The following RIN2 variants were observed in gnomAD, a reference collection of about 807,000 sequenced individuals.
RIN2 encodes the protein RAB5 interacting protein 2.
A neutral mutation model predicts 78.0 loss-of-function variants in RIN2; 36 were observed. That is an observed-to-expected ratio of 0.46 (90% confidence interval 0.35 to 0.61). The LOEUF (loss-of-function observed/expected upper bound fraction) is 0.61, where lower values mean the gene tolerates loss of function less well. RIN2 is among the 20% of genes least tolerant of loss of function. The probability of loss-of-function intolerance (pLI) is 0.00; values close to 1 mark genes in which losing one functional copy is unlikely to be tolerated. For missense variants in RIN2, 1,087 were observed against 1,159.7 expected, an observed-to-expected ratio of 0.94 and a Z score of 0.91; for synonymous variants, 466 against 466.8, an observed-to-expected ratio of 1.00 and a Z score of 0.02.
chr20:19,981,885 C>A (rs542146902), intron 9 of RIN2, among the ~76,000 whole-genome samples: 41 of 152,348 alleles, frequency 2.7e-4, no homozygotes, highest in Admixed American at 2.0e-3. Flanking sequence ...GTGCCCCACA[C>A]CTGCCTGCCC....
chr20:19,865,473 A>C (rs6046384), intron 2 of RIN2, among the ~76,000 whole-genome samples: 83,111 of 149,178 alleles, frequency 0.56, 23,977 homozygotes, highest in African/African-American at 0.67. Context: ...TCATTTTAAA[A>C]GTTATACTTT....
At chr20:19,855,760 GA>G (rs942080273) in intron 2 of RIN2, among the ~76,000 whole-genome samples, 10 of 152,132 alleles carry the variant, frequency 6.6e-5, no homozygotes, top group South Asian at 2.1e-4. Flanking sequence ...AGGCTTGGGG[GA>G]AAAAAATCCC....
chr20:19,820,191 G>A (rs1305491515), intron 2 of RIN2, among the ~76,000 whole-genome samples: 3 of 152,104 alleles, frequency 2.0e-5, no homozygotes, highest in African/African-American at 7.2e-5. Context: ...ACCTTGTTTT[G>A]TGACAGTTAT....
rs745383599 is a variant in RIN2 at position 19,974,929 on chromosome 20, G to C, written c.904G>C (p.Glu302Gln). ...AAGGACTCCCAACGCGAATGGCACG[G>C]AGCGGACTCGGTCCCCCCCACCCAG... The part of the protein sequence containing the change: ...STRTPNANGT[E>Q]RTRSPPPRPP... Residue 302 changes from glutamate (E) to glutamine (Q), a missense_variant, in exon 9 of 13, where the codon GAG (glutamate) becomes CAG (glutamine). Coordinates refer to ENST00000255006, the MANE Select transcript of RIN2 (RefSeq NM_018993.4). The C allele has an allele frequency of 4.3e-6, 7 of 1,613,612 alleles. No homozygotes were observed. The highest frequency in any genetic ancestry group is 5.9e-6 in the Non-Finnish European group (7 of 1,179,770).
chr20:19,955,040 C>A (rs1184595281), intron 4 of RIN2, among the ~76,000 whole-genome samples: 1 of 152,156 alleles, frequency 6.6e-6, no homozygotes, highest in Middle Eastern at 3.2e-3. Context: ...ATTATCACCA[C>A]TCTCTAATAC....
At chr20:19,822,721 G>T (rs1193945168) in intron 2 of RIN2, among the ~76,000 whole-genome samples, 1 of 152,138 alleles carries the variant, frequency 6.6e-6, no homozygotes, top group African/African-American at 2.4e-5. Context: ...CTATTTGGAT[G>T]AACATAGTAA....
At chr20:19,864,357 A>G (rs2037435218) in intron 2 of RIN2, among the ~76,000 whole-genome samples, 1 of 152,038 alleles carries the variant, frequency 6.6e-6, no homozygotes, top group Non-Finnish European at 1.5e-5. Flanking sequence ...TGTGGTTAGG[A>G]TTTTCCTGGT....
intron 2 of RIN2, among the ~76,000 whole-genome samples, chr20:19,824,843 C>T (rs2036037165): frequency 6.6e-6 from 1 of 152,258 alleles, no homozygotes; most frequent in East Asian, 1.9e-4. Flanking sequence ...GAGGAGCATT[C>T]GAAGGCCACC....
At chr20:19,779,981 G>A (rs1225763554) in intron 1 of RIN2, among the ~76,000 whole-genome samples, 5 of 152,092 alleles carry the variant, frequency 3.3e-5, no homozygotes, top group Admixed American at 2.6e-4. Context: ...TTTCCTTTCT[G>A]CTAGCACCTC....
intron 2 of RIN2, among the ~76,000 whole-genome samples, chr20:19,804,796 T>C (rs2035353453): frequency 6.6e-6 from 1 of 152,240 alleles, no homozygotes; most frequent in South Asian, 2.1e-4. Flanking sequence ...TTTGTACCTC[T>C]GGTAGAACTC....
At chr20:19,940,902 C>A (rs1364701299) in intron 4 of RIN2, among the ~76,000 whole-genome samples, 3 of 152,206 alleles carry the variant, frequency 2.0e-5, no homozygotes, top group African/African-American at 7.2e-5. Flanking sequence ...ACAACCTCCC[C>A]AGCTATTGTC....
intron 11 of RIN2, among the ~76,000 whole-genome samples, chr20:19,993,594 T>C (rs1335332346): frequency 6.6e-6 from 1 of 152,086 alleles, no homozygotes; most frequent in Non-Finnish European, 1.5e-5. Flanking sequence ...AATGGGCCTC[T>C]TTCATGCTTT....
chr20:19,997,345 A>G (rs1369203822), intron 12 of RIN2, among the ~76,000 whole-genome samples: 1 of 152,184 alleles, frequency 6.6e-6, no homozygotes, highest in African/African-American at 2.4e-5. Flanking sequence ...CGAGCATCTG[A>G]GCGAGTCCTG....
intron 3 of RIN2, among the ~76,000 whole-genome samples, chr20:19,891,617 G>C (rs1330837600): frequency 6.6e-6 from 1 of 152,150 alleles, no homozygotes; most frequent in Non-Finnish European, 1.5e-5. Flanking sequence ...TCAGGAGTTC[G>C]AGACGAGCCT....
At chr20:19,853,761 C>T (rs6112621) in intron 2 of RIN2, among the ~76,000 whole-genome samples, 2,514 of 151,928 alleles carry the variant, frequency 0.017, 84 homozygotes, top group African/African-American at 0.057. Flanking sequence ...TTGAGTTCTT[C>T]GTAGATTCTG....
intron 9 of RIN2, among the ~76,000 whole-genome samples, chr20:19,980,415 C>T (rs374538597): frequency 1.3e-5 from 2 of 152,138 alleles, no homozygotes; most frequent in East Asian, 1.9e-4. Context: ...GACTCTCTGA[C>T]CCTGAGCCCC....
At chr20:19,788,442 A>AC (rs1568752719) in intron 1 of RIN2, among the ~76,000 whole-genome samples, 4 of 146,724 alleles carry the variant, frequency 2.7e-5, no homozygotes, top group African/African-American at 2.5e-5. Flanking sequence ...CAAAAAAAAA[A>AC]AAAAAAACAA....
At chr20:19,864,609 C>T (rs1469934381) in intron 2 of RIN2, among the ~76,000 whole-genome samples, 1 of 152,154 alleles carries the variant, frequency 6.6e-6, no homozygotes, top group Admixed American at 6.6e-5. Flanking sequence ...ATAGAGCCCT[C>T]CTATTGACAT....
At position 19,975,890 on chromosome 20, in the gene RIN2, C is replaced by A; in HGVS notation, c.1762+103C>A. 1 of 1,073,996 alleles carries A rather than the reference C, an allele frequency of 9.3e-7. No individual in the cohort carries two copies. The highest frequency in any genetic ancestry group is 1.4e-6 in the Non-Finnish European group (1 of 716,376). The allele number at this position is 1,073,996 out of a possible 1,614,324, so 66.5% of individuals were successfully genotyped here. A position where few individuals can be genotyped will look rare whatever the true frequency, so the allele number is the denominator to read the frequency against. ...ATGAAGTTTACTCCGAAGTTCAAAA[C>A]AACACCCAGCTCCACCTTCTCTCCC... On this transcript the variant is annotated intron_variant, in intron 9 of 12. Coordinates refer to ENST00000255006, the MANE Select transcript of RIN2 (RefSeq NM_018993.4). The surrounding 1 kb of genome is among the most constrained non-coding windows in gnomAD (Gnocchi z 4.9).
Sources: gnomAD v4.1 joint callset for allele counts (sites outside exome capture counted in the v4.1 genomes callset) on GRCh38, gnomAD v4.1.1 for gene constraint, Gnocchi (gnomAD v3.1) non-coding constraint, MANE v1.5 for transcripts, NCBI Gene and HGNC (gene_info 2026-07-23, HGNC 2026-07-21) for gene names.